The following ASCC2 variants were observed in gnomAD, a reference collection of about 807,000 sequenced individuals.
The protein encoded by ASCC2 is ASC-1 complex subunit P100.
Under a neutral mutation model 93.5 loss-of-function variants are expected in ASCC2, and 42 were observed. That is an observed-to-expected ratio of 0.45 (90% CI 0.35 to 0.58). ASCC2 has a LOEUF of 0.58. ASCC2 is among the 20% of genes least tolerant of loss of function. The pLI is 0.00. For missense variants in ASCC2, 859 were observed against 977.6 expected, an observed-to-expected ratio of 0.88 and a Z score of 1.62; for synonymous variants, 364 against 384.2, an observed-to-expected ratio of 0.95 and a Z score of 0.62.
intron 1 of ASCC2, among the ~76,000 whole-genome samples, chr22:29,836,164 T>C (rs2063752726): frequency 6.6e-6 from 1 of 151,608 alleles, no homozygotes; most frequent in African/African-American, 2.4e-5. Flanking sequence ...GTCTAAAAAG[T>C]GTGGCTTTGA....
chr22:29,823,778 C>T (rs996095141), intron 4 of ASCC2, among the ~76,000 whole-genome samples: 1 of 148,162 alleles, frequency 6.7e-6, no homozygotes, highest in African/African-American at 2.5e-5. Context: ...ATCCAGGAGG[C>T]GGAGGTTGCA....
chr22:29,806,591 G>C, intron 10 of ASCC2, 38 bp from the exon 11 acceptor site: 2 of 1,571,210 alleles, frequency 1.3e-6, no homozygotes, highest in Non-Finnish European at 1.8e-6. Context: ...CTCATGCAAT[G>C]CAAGATGAGC....
intron 19 of ASCC2, among the ~76,000 whole-genome samples, 190 bp from the exon 20 acceptor site, chr22:29,789,374 G>A (rs58016477): frequency 0.25 from 21,012 of 84,340 alleles, 2,453 homozygotes; most frequent in African/African-American, 0.39. Flanking sequence ...GACCAGCCCC[G>A]AGCCTGGTGT....
chr22:29,815,158 A>G (rs1356590479), intron 6 of ASCC2: 7 of 223,050 alleles, frequency 3.1e-5, no homozygotes, highest in Non-Finnish European at 6.2e-5. Context: ...TTAGCTGGGC[A>G]AGATGGTGTG....
Position 29,801,979 on chromosome 22 carries a change from A to G in ASCC2, c.1568+15T>C. On this transcript the variant is annotated intron_variant, in intron 14 of 19. Transcript: ENST00000307790. ...GCCTGGGCAGCGGGAGCCTCCTCCC[A>G]CCTGTCTCTCCCACCTGTCTAGGTT... is the stretch of plus-strand genomic sequence containing the variant. The G allele has an allele frequency of 1.3e-6, 2 of 1,568,168 alleles. No homozygotes were observed. Among genetic ancestry groups the G allele is most frequent in the Non-Finnish European group, 1.7e-6 (2 of 1,155,176 alleles).
intron 5 of ASCC2, among the ~76,000 whole-genome samples, chr22:29,821,256 CG>C (rs1349297238): frequency 4.6e-5 from 7 of 152,326 alleles, no homozygotes; most frequent in African/African-American, 1.7e-4. Context: ...TGGGATCCAA[CG>C]GCTAATGTCC....
chr22:29,833,062 G>T (rs1460673649), intron 1 of ASCC2, among the ~76,000 whole-genome samples: 3 of 152,138 alleles, frequency 2.0e-5, no homozygotes, highest in East Asian at 3.9e-4. Flanking sequence ...ACAGGTGTGA[G>T]CCTCTGTGCC....
At chr22:29,792,761 C>T (rs774377063) in intron 17 of ASCC2, among the ~76,000 whole-genome samples, 5 of 152,128 alleles carry the variant, frequency 3.3e-5, no homozygotes, top group Non-Finnish European at 5.9e-5. Flanking sequence ...CCGGGAGAGT[C>T]TCCAGTCCTC....
chr22:29,792,452 GCATCGTCTTCCTCATCGTCGT>G lies in ASCC2; in HGVS notation c.1982_2002del (p.Asp661_Asp667del). The stretch of plus-strand genomic sequence containing the variant: ...AGGTACCTTGGGAGCCTCCTCGTCA[GCATCGTCTTCCTCATCGTCGT>G]CATCCTCCTCCTGCCCTTCTCTAGG... On this transcript the variant is annotated inframe_deletion, in exon 18 of 20. Transcript: ENST00000307790. 1 of 1,613,956 alleles carries G rather than the reference GCATCGTCTTCCTCATCGTCGT, an allele frequency of 6.2e-7. No homozygotes were observed. The highest frequency in any genetic ancestry group is 8.5e-7 in the Non-Finnish European group (1 of 1,179,900).
intron 18 of ASCC2, among the ~76,000 whole-genome samples, chr22:29,790,926 T>C (rs915555105): frequency 6.6e-6 from 1 of 152,104 alleles, no homozygotes; most frequent in African/African-American, 2.4e-5. Flanking sequence ...GGGAGCTAAG[T>C]GGTCCCGGGA....
intron 2 of ASCC2, among the ~76,000 whole-genome samples, chr22:29,831,643 G>T (rs1159345381): frequency 6.6e-6 from 1 of 152,130 alleles, no homozygotes; most frequent in African/African-American, 2.4e-5. Flanking sequence ...CAACAAGTGG[G>T]TATAGGAACT....
At chr22:29,801,805 C>T (rs1418193899) in intron 14 of ASCC2, among the ~76,000 whole-genome samples, 189 bp downstream of exon 14, 1 of 151,984 alleles carries the variant, frequency 6.6e-6, no homozygotes, top group Non-Finnish European at 1.5e-5. Flanking sequence ...TCTGCCCTGC[C>T]TGGGGCAAGT....
At chr22:29,808,276 G>A in intron 8 of ASCC2, 91 bp from the exon 9 acceptor site, 1 of 1,326,484 alleles carries the variant, frequency 7.5e-7, no homozygotes, top group Middle Eastern at 1.8e-4. Context: ...GAGTGGGAAG[G>A]CCCATTTCTT....
At chr22:29,790,311 TAAGGA>T (rs1177674494) in intron 19 of ASCC2, among the ~76,000 whole-genome samples, 153 bp downstream of exon 19, 2 of 152,190 alleles carry the variant, frequency 1.3e-5, no homozygotes, top group African/African-American at 4.8e-5. Flanking sequence ...ATCTGTCAAA[TAAGGA>T]TAGTGATAAT....
At chr22:29,828,213 T>C (rs1233927606) in intron 2 of ASCC2, among the ~76,000 whole-genome samples, 2 of 152,190 alleles carry the variant, frequency 1.3e-5, no homozygotes, top group Non-Finnish European at 2.9e-5. Context: ...AACATTTTTA[T>C]GGAGGCATAA....
At chr22:29,827,028 G>A (rs1265111713) in intron 2 of ASCC2, among the ~76,000 whole-genome samples, 2 of 145,462 alleles carry the variant, frequency 1.4e-5, no homozygotes, top group Non-Finnish European at 3.0e-5. Context: ...AACCCGGGAG[G>A]CAGAGCTTGC....
At chr22:29,816,276 G>C (rs1000278670) in intron 5 of ASCC2, among the ~76,000 whole-genome samples, 4 of 152,144 alleles carry the variant, frequency 2.6e-5, no homozygotes, top group Non-Finnish European at 4.4e-5. Flanking sequence ...TCCCCAGGGT[G>C]GGGGAGGGAC....
In ASCC2 at chr22:29,813,429, C is replaced by T. The variant is rs1602028183; in HGVS notation, c.833+1G>A. ...TTCAACAGCCAGAACTACCGCCTTA[C>T]CTGTAACAAAAGTCGTGCTTCTGGA... On this transcript the variant is annotated splice_donor_variant, in intron 8 of 19. Transcript: ENST00000307790. LOFTEE classifies it high-confidence loss of function. 6.3e-7 allele frequency: 1 copy of T among 1,597,934 alleles called. No individual in the cohort carries two copies. Among genetic ancestry groups the T allele is most frequent in the Non-Finnish European group, 8.6e-7 (1 of 1,165,178 alleles).
In ASCC2 at chr22:29,806,465, G is replaced by A; in HGVS notation, c.1085+20C>T. On this transcript the variant is annotated intron_variant, in intron 11 of 19. Transcript: ENST00000307790. The stretch of plus-strand genomic sequence containing the variant: ...ACCTGTGGGAGGGTCATGGGCCCAG[G>A]CCAGCTCAGCCACACTCACCTCTTC... 2.5e-6 allele frequency: 4 copies of A among 1,612,834 alleles called. No homozygotes were observed. The highest frequency in any genetic ancestry group is 3.4e-6 in the Non-Finnish European group (4 of 1,179,038).
Sources: gnomAD v4.1 joint callset for allele counts (sites outside exome capture counted in the v4.1 genomes callset) on GRCh38, gnomAD v4.1.1 for gene constraint, MANE v1.5 for transcripts, NCBI Gene and HGNC (gene_info 2026-07-23, HGNC 2026-07-21) for gene names.